The following IZUMO1R variants were observed in gnomAD, a reference collection of about 807,000 sequenced individuals.
IZUMO1R encodes the protein IZUMO1 receptor, JUNO, also known as sperm-egg fusion protein Juno.
A neutral mutation model predicts 22.1 loss-of-function variants in IZUMO1R; 24 were observed. The ratio of observed to expected loss-of-function variants is 1.09; its 90% CI spans 0.79 to 1.53. IZUMO1R has a LOEUF of 1.53. Among genes scored for constraint, IZUMO1R ranks in the 40% most tolerant of loss-of-function variants. The pLI is 0.00. For missense variants in IZUMO1R, 308 were observed against 314.9 expected, an observed-to-expected ratio of 0.98 and a Z score of 0.17; for synonymous variants, 133 against 121.2, an observed-to-expected ratio of 1.10 and a Z score of -0.64.
rs960878202 is a variant in IZUMO1R at position 94,307,994 on chromosome 11, G to A, written c.*302G>A. Among the ~76,000 whole-genome samples, 4 of 151,984 alleles carry A rather than the reference G, an allele frequency of 2.6e-5. No homozygotes were observed. Among genetic ancestry groups the A allele is most frequent in the African/African-American group, 4.8e-5 (2 of 41,400 alleles). On this transcript the variant is annotated 3_prime_UTR_variant, in exon 5 of 5. Transcript: ENST00000687084. Reference sequence around the variant, plus strand: ...GGGGCTGGAAGTGCCAAGGTGACTGGCCACCTCCTGCCTTGAGGGATGGGA... The same window carrying A: ...GGGGCTGGAAGTGCCAAGGTGACTGACCACCTCCTGCCTTGAGGGATGGGA...
chr11:94,306,480 G>T, intron 2 of IZUMO1R, 33 bp from the exon 3 acceptor site: 1 of 1,600,238 alleles, frequency 6.2e-7, no homozygotes, highest in Non-Finnish European at 8.6e-7. Context: ...TGCCCCTTTT[G>T]CCTGGGCCTT....
intron 1 of IZUMO1R, 104 bp from the exon 2 acceptor site, chr11:94,305,527 T>G: frequency 7.5e-7 from 1 of 1,341,194 alleles, no homozygotes; most frequent in East Asian, 2.3e-5. Context: ...TGCAATTATT[T>G]GAGGGAGATT....
At chr11:94,306,756 A>G in intron 3 of IZUMO1R, 34 bp downstream of exon 3, 1 of 1,596,232 alleles carries the variant, frequency 6.3e-7, no homozygotes, top group Non-Finnish European at 8.6e-7. Context: ...CCCTGTTATT[A>G]TATTAACAGC....
At position 94,308,014 on chromosome 11, in the gene IZUMO1R, A is replaced by T. The variant is rs1944042581; in HGVS notation, c.*322A>T. Among the ~76,000 whole-genome samples, 1 of 151,852 alleles carries T rather than the reference A, an allele frequency of 6.6e-6. No individual in the cohort carries two copies. Among genetic ancestry groups the T allele is most frequent in the Non-Finnish European group, 1.5e-5 (1 of 67,922 alleles). On this transcript the variant is annotated 3_prime_UTR_variant, in exon 5 of 5. Transcript: ENST00000687084. ...GACTGGCCACCTCCTGCCTTGAGGG[A>T]TGGGAGCTTTCAAGGGGCTCAAGGA...
At chr11:94,305,297 G>T (rs1467276705) in intron 1 of IZUMO1R, among the ~76,000 whole-genome samples, 2 of 152,180 alleles carry the variant, frequency 1.3e-5, no homozygotes, top group Admixed American at 6.5e-5. Context: ...ACCCAGAACA[G>T]AGTTGGAAAT....
At chr11:94,307,016 G>A (rs1000008389) in intron 3 of IZUMO1R, 149 bp from the exon 4 acceptor site, 1 of 988,276 alleles carries the variant, frequency 1.0e-6, no homozygotes, top group Non-Finnish European at 1.5e-6. Context: ...AAATCTCTTA[G>A]CCTCATTGGT....
Position 94,307,179 on chromosome 11 carries a change from G to C in IZUMO1R, c.363G>C (p.Gly121=). The change falls in exon 4 of 5, where the codon GGG becomes GGC. Residue 121 remains glycine, a synonymous_variant. Coordinates refer to ENST00000687084, the MANE Select transcript of IZUMO1R (RefSeq NM_001199206.4). ...GSLGWEVAPS[G]QGERVVNVPL... is the part of the protein sequence containing the mutation. ...ACTGCACCCAGGTGGCCCCGAGTGG[G>C]CAGGGAGAGCGAGTTGTGAATGTGC... 1 of 1,598,370 alleles carries C rather than the reference G, an allele frequency of 6.3e-7. No homozygotes were observed. Among genetic ancestry groups the C allele is most frequent in the Non-Finnish European group, 8.5e-7 (1 of 1,172,456 alleles).
rs1179697221 is a variant in IZUMO1R, at chr11:94,307,428, GAACC to G, written c.490_493del (p.Asn164AlafsTer124). ...TCCCTCCTCCATCCCCTGCAGGGAAGAACCGCTGCCCCAAAGGGGCCCAGTGCCT... is the reference window on the plus strand; with the variant it reads ...TCCCTCCTCCATCCCCTGCAGGGAAGGCTGCCCCAAAGGGGCCCAGTGCCT... On this transcript the variant is annotated frameshift_variant, in exon 5 of 5. Transcript: ENST00000687084. LOFTEE classifies it low-confidence loss of function (END_TRUNC). The G allele has an allele frequency of 6.2e-7, 1 of 1,613,912 alleles. No homozygotes were observed.
Position 94,307,476 on chromosome 11 carries a change from C to A in IZUMO1R, c.537C>A (p.Phe179Leu). The change falls in exon 5 of 5, where the codon TTC becomes TTA. Residue 179 changes from phenylalanine (F) to leucine (L), a missense_variant. Phe to Leu is a conservative substitution (Grantham distance 22). Transcript: ENST00000687084. Reference protein sequence around the residue: ...GAQCLPFSHYFPTPADLCEKT... With the variant: ...GAQCLPFSHYLPTPADLCEKT... ...AGTGCCTCCCTTTCTCCCATTACTTCCCCACCCCAGCTGACCTGTGTGAGA... is the reference window on the plus strand; with the variant it reads ...AGTGCCTCCCTTTCTCCCATTACTTACCCACCCCAGCTGACCTGTGTGAGA... 1 of 1,613,924 alleles carries A rather than the reference C, an allele frequency of 6.2e-7. No homozygotes were observed. Among genetic ancestry groups the A allele is most frequent in the Non-Finnish European group, 8.5e-7 (1 of 1,179,894 alleles).
Position 94,304,789 on chromosome 11 carries a change from G to C in IZUMO1R, c.-97G>C, listed in dbSNP as rs1324813534. 6.6e-6 allele frequency among the ~76,000 whole-genome samples: 1 copy of C among 152,136 alleles called. No homozygotes were observed. Among genetic ancestry groups the C allele is most frequent in the Non-Finnish European group, 1.5e-5 (1 of 68,030 alleles). ...CTGGACCTAGTAGAAATCAGACTGG[G>C]TAATAAATGGGCGGGACATGGAACT... On this transcript the variant is annotated 5_prime_UTR_variant, in exon 1 of 5. Transcript: ENST00000687084.
rs1157070175 is a variant in IZUMO1R at position 94,305,740 on chromosome 11, G to A, written c.104G>A (p.Arg35Lys). 1 of 1,613,278 alleles carries A rather than the reference G, an allele frequency of 6.2e-7. No homozygotes were observed. Among genetic ancestry groups the A allele is most frequent in the African/African-American group, 1.3e-5 (1 of 74,712 alleles). Residue 35 changes from arginine (R) to lysine (K), a missense_variant, in exon 2 of 5, where the codon AGA becomes AAA. By Grantham distance (26) the Arg-to-Lys change is conservative (BLOSUM62 2). Coordinates refer to ENST00000687084, the MANE Select transcript of IZUMO1R (RefSeq NM_001199206.4). ...NICMNAKHHK[R>K]VPSPEDKLYE... Reference sequence around the variant, plus strand: ...TGCATGAATGCCAAACACCACAAGAGAGTGCCCAGCCCAGAAGACAAGCTC... The same window carrying A: ...TGCATGAATGCCAAACACCACAAGAAAGTGCCCAGCCCAGAAGACAAGCTC...
Position 94,307,437 on chromosome 11 carries a change from C to A in IZUMO1R, c.498C>A (p.Cys166Ter). The A allele has an allele frequency of 1.2e-6, 2 of 1,613,928 alleles. No homozygotes were observed. Among genetic ancestry groups the A allele is most frequent in the Non-Finnish European group, 1.7e-6 (2 of 1,179,884 alleles). Residue 166 changes from cysteine to a stop codon, truncating the protein, a stop_gained, in exon 5 of 5, where the codon TGC becomes TGA. Transcript: ENST00000687084. LOFTEE classifies it low-confidence loss of function (END_TRUNC). ...GWDWSQGKNR[C>*]PKGAQCLPFS... is the part of the protein sequence containing the mutation. The stretch of plus-strand genomic sequence containing the variant: ...CATCCCCTGCAGGGAAGAACCGCTG[C>A]CCCAAAGGGGCCCAGTGCCTCCCTT...
intron 1 of IZUMO1R, among the ~76,000 whole-genome samples, chr11:94,305,136 G>A (rs947860645): frequency 2.0e-5 from 3 of 152,102 alleles, no homozygotes; most frequent in African/African-American, 7.2e-5. Context: ...TCAGGCTCCT[G>A]CCAGACTTGG....
chr11:94,306,512 G>A lies in IZUMO1R; in HGVS notation c.139-1G>A, dbSNP rs374010356. 1.9e-6 allele frequency: 3 copies of A among 1,613,574 alleles called. No individual in the cohort carries two copies. Among genetic ancestry groups the A allele is most frequent in the African/African-American group, 2.7e-5 (2 of 74,874 alleles). On this transcript the variant is annotated splice_acceptor_variant, in intron 2 of 4. Coordinates refer to ENST00000687084, the MANE Select transcript of IZUMO1R (RefSeq NM_001199206.4). LOFTEE classifies it high-confidence loss of function. ...CCTTTTGTTTCTTCCTCTGCCTTCA[G>A]TGCATCCCCTGGAAGGACAATGCCT...
At chr11:94,305,813 A>C (rs758528338) in intron 2 of IZUMO1R, 39 bp downstream of exon 2, 26 of 1,605,608 alleles carry the variant, frequency 1.6e-5, no homozygotes, top group Non-Finnish European at 2.0e-5. Context: ...GGGGAAGATC[A>C]GGGAAGGGAC....
In IZUMO1R at chr11:94,305,712, A is replaced by G; in HGVS notation, c.76A>G (p.Ile26Val). 6.2e-7 allele frequency: 1 copy of G among 1,613,442 alleles called. No homozygotes were observed. Among genetic ancestry groups the G allele is most frequent in the African/African-American group, 1.3e-5 (1 of 74,844 alleles). Reference sequence around the variant, plus strand: ...CTGGGCTGGGGACGAGCTGCTCAACATCTGCATGAATGCCAAACACCACAA... The same window carrying G: ...CTGGGCTGGGGACGAGCTGCTCAACGTCTGCATGAATGCCAAACACCACAA... ...PTWAGDELLN[I>V]CMNAKHHKRV... Residue 26 changes from isoleucine (I) to valine (V), a missense_variant, in exon 2 of 5, where the codon ATC (isoleucine) becomes GTC (valine). Physicochemically the swap from Ile to Val is conservative, Grantham distance 29. Transcript: ENST00000687084.
At position 94,306,534 on chromosome 11, in the gene IZUMO1R, G is replaced by A. The variant is rs377580118; in HGVS notation, c.160G>A (p.Ala54Thr). 1.1e-5 allele frequency: 18 copies of A among 1,613,806 alleles called. No individual in the cohort carries two copies. The highest frequency in any genetic ancestry group is 1.4e-5 in the Non-Finnish European group (16 of 1,179,876). Residue 54 changes from alanine (A) to threonine (T), a missense_variant, in exon 3 of 5, where the codon GCC becomes ACC. Ala to Thr is a moderately conservative substitution (Grantham distance 58). Transcript: ENST00000687084. ...YEECIPWKDNACCTLTTSWEA... is the reference protein window; with the variant it reads ...YEECIPWKDNTCCTLTTSWEA... ...TCAGTGCATCCCCTGGAAGGACAATGCCTGCTGCACCCTCACGACAAGCTG... is the reference window on the plus strand; with the variant it reads ...TCAGTGCATCCCCTGGAAGGACAATACCTGCTGCACCCTCACGACAAGCTG...
At position 94,307,800 on chromosome 11, in the gene IZUMO1R, G is replaced by A; in HGVS notation, c.*108G>A. 9.8e-7 allele frequency: 1 copy of A among 1,017,926 alleles called. No homozygotes were observed. The highest frequency in any genetic ancestry group is 1.4e-6 in the Non-Finnish European group (1 of 715,882). 63.1% of individuals were successfully genotyped at this position (1,017,926 alleles called of 1,614,324 possible). On this transcript the variant is annotated 3_prime_UTR_variant, in exon 5 of 5. Coordinates refer to ENST00000687084, the MANE Select transcript of IZUMO1R (RefSeq NM_001199206.4). ...CCCTCCCCTAAAAGCAGTGGCATGGGCTAGGGACTGCAGTCCCACCCAGTC... is the reference window on the plus strand; with the variant it reads ...CCCTCCCCTAAAAGCAGTGGCATGGACTAGGGACTGCAGTCCCACCCAGTC...
intron 3 of IZUMO1R, 56 bp from the exon 4 acceptor site, chr11:94,307,109 G>A: frequency 6.5e-7 from 1 of 1,548,314 alleles, no homozygotes. Flanking sequence ...GTAGCTATTA[G>A]TAGTCTTCAC....
Sources: allele counts gnomAD v4.1 joint callset (sites outside exome capture counted in the v4.1 genomes callset), GRCh38; gene constraint gnomAD v4.1.1; transcripts MANE v1.5; gene names NCBI Gene and HGNC (gene_info 2026-07-23, HGNC 2026-07-21).